KAZN: variants seen among roughly 807,000 people sequenced by gnomAD.
KAZN encodes the protein kazrin, periplakin interacting protein.
A neutral mutation model predicts 87.4 loss-of-function variants in KAZN; 40 were observed. That is an observed-to-expected ratio of 0.46 (90% CI 0.36 to 0.60). The LOEUF (loss-of-function observed/expected upper bound fraction) is 0.60, where lower values mean the gene tolerates loss of function less well. KAZN is among the 20% of genes least tolerant of loss of function. KAZN has a pLI of 0.00. For synonymous variants in KAZN, 466 were observed against 458.3 expected (o/e 1.02, Z -0.22); for missense variants, 898 against 1,073.9 (o/e 0.84, Z 2.29).
intron 2 of KAZN, among the ~76,000 whole-genome samples, chr1:14,517,068 G>C (rs560474724): frequency 6.6e-6 from 1 of 152,142 alleles, no homozygotes; most frequent in East Asian, 1.9e-4. Flanking sequence ...CCAACCCCTT[G>C]GATGCAAAGA....
Position 14,477,447 on chromosome 1 carries a change from C to CCT in KAZN, c.250-121521_250-121520dup, listed in dbSNP as rs944833569. Among the ~76,000 whole-genome samples the CCT allele has an allele frequency of 3.4e-4, 51 of 148,130 alleles. 1 individual carries two copies. The highest frequency in any genetic ancestry group is 6.4e-4 in the Non-Finnish European group (43 of 67,324). On this transcript the variant is annotated intron_variant, in intron 2 of 16. Transcript: ENST00000636203. ...TTCCCTCTCTCTCTCTCTCTCTCCC[C>CCT]CTCTCTCTCTCTCTCTTTCTCTCTC...
At chr1:14,963,226 A>G (rs1323761880) in intron 2 of KAZN, among the ~76,000 whole-genome samples, 1 of 152,188 alleles carries the variant, frequency 6.6e-6, no homozygotes, top group Non-Finnish European at 1.5e-5. Context: ...AGCAACAAGG[A>G]CTTGTCAGTA....
At chr1:14,176,566 A>T (rs893751716) in intron 1 of KAZN, among the ~76,000 whole-genome samples, 10 of 152,124 alleles carry the variant, frequency 6.6e-5, no homozygotes, top group African/African-American at 1.2e-4. Context: ...ATCAGGCCAT[A>T]TTCTTTCTAG....
At chr1:15,018,471 A>G (rs919701916) in intron 2 of KAZN, among the ~76,000 whole-genome samples, 1 of 148,462 alleles carries the variant, frequency 6.7e-6, no homozygotes, top group African/African-American at 2.5e-5. Context: ...GTTCTCTGTG[A>G]TTTTTTTTTT....
At chr1:14,079,899 C>G (rs879193561) in intron 1 of KAZN, among the ~76,000 whole-genome samples, 1 of 150,842 alleles carries the variant, frequency 6.6e-6, no homozygotes, top group Admixed American at 6.6e-5. Flanking sequence ...CAGGCCCCAC[C>G]TCCGACACTG....
intron 2 of KAZN, among the ~76,000 whole-genome samples, chr1:14,467,674 C>CAAAAAAAA (rs36034022): frequency 5.2e-5 from 4 of 77,336 alleles, no homozygotes; most frequent in Admixed American, 1.5e-4. Flanking sequence ...ATCCAAAAGG[C>CAAAAAAAA]AAAAAAAAAA....
intron 8 of KAZN, among the ~76,000 whole-genome samples, chr1:15,072,914 G>A (rs556451054): frequency 2.6e-5 from 4 of 152,314 alleles, no homozygotes; most frequent in African/African-American, 7.2e-5. Context: ...GAGGCCGGGC[G>A]CTGAGTAGGC....
chr1:14,160,349 C>T (rs1645683579), intron 1 of KAZN, among the ~76,000 whole-genome samples: 3 of 152,160 alleles, frequency 2.0e-5, no homozygotes, highest in African/African-American at 7.2e-5. Flanking sequence ...TATAAAAGGG[C>T]AGCACTGAGT....
intron 2 of KAZN, among the ~76,000 whole-genome samples, chr1:14,338,504 AAGAG>A (rs70997135): frequency 6.2e-4 from 88 of 142,244 alleles, no homozygotes; most frequent in African/African-American, 1.5e-3. Flanking sequence ...AAAAAAAAAA[AAGAG>A]AGAGAGAGAG....
At chr1:14,948,925 G>A (rs1018377973) in intron 1 of KAZN, among the ~76,000 whole-genome samples, 1 of 152,162 alleles carries the variant, frequency 6.6e-6, no homozygotes, top group Non-Finnish European at 1.5e-5. Flanking sequence ...GGGAGGCTGA[G>A]GCGAGCAGAT....
intron 1 of KAZN, among the ~76,000 whole-genome samples, chr1:14,920,635 A>C (rs531103825): frequency 6.6e-6 from 1 of 152,310 alleles, no homozygotes; most frequent in African/African-American, 2.4e-5. Context: ...AACTGGCTAC[A>C]TAATTGGTAG....
chr1:14,035,757 G>A (rs1277818122), intron 1 of KAZN, among the ~76,000 whole-genome samples: 1 of 151,876 alleles, frequency 6.6e-6, no homozygotes, highest in Non-Finnish European at 1.5e-5. Flanking sequence ...TTACAGGTGT[G>A]AGCCACCATA....
chr1:14,644,784 T>G (rs57613490), intron 1 of KAZN, among the ~76,000 whole-genome samples: 65 of 152,358 alleles, frequency 4.3e-4, no homozygotes, highest in African/African-American at 1.4e-3. Context: ...ATAGTTTCTT[T>G]TGCTGTGCAG....
At chr1:14,141,072 T>C (rs1645224617) in intron 1 of KAZN, among the ~76,000 whole-genome samples, 1 of 151,896 alleles carries the variant, frequency 6.6e-6, no homozygotes, top group Non-Finnish European at 1.5e-5. Context: ...CCAAAAGCTT[T>C]CCTCCCTGGA....
chr1:14,762,711 C>T (rs1304166301), intron 1 of KAZN, among the ~76,000 whole-genome samples: 1 of 149,912 alleles, frequency 6.7e-6, no homozygotes, highest in African/African-American at 2.5e-5. Flanking sequence ...GGTGACAGAG[C>T]AAGACTCTGT....
At chr1:14,179,443 G>A (rs1646150069) in intron 1 of KAZN, among the ~76,000 whole-genome samples, 1 of 152,230 alleles carries the variant, frequency 6.6e-6, no homozygotes, top group South Asian at 2.1e-4. Flanking sequence ...CTAACATAGT[G>A]TTCAGTTTTA....
exon 1 of KAZN, chr1:13,893,602 T>C: frequency 6.5e-7 from 1 of 1,531,184 alleles, no homozygotes; most frequent in Non-Finnish European, 8.8e-7. Context: ...CGGCATCCTT[T>C]GCTCTGACAC....
intron 2 of KAZN, among the ~76,000 whole-genome samples, chr1:14,403,561 A>G (rs938219809): frequency 1.3e-5 from 2 of 152,218 alleles, no homozygotes; most frequent in African/African-American, 4.8e-5. Flanking sequence ...TTCAACATCA[A>G]TAAGAAAAGG....
At chr1:13,981,128 T>TATGTATATA (rs375605048) in intron 1 of KAZN, among the ~76,000 whole-genome samples, 16 of 134,364 alleles carry the variant, frequency 1.2e-4, no homozygotes, top group Non-Finnish European at 1.8e-4. Flanking sequence ...TAAACACAGA[T>TATGTATATA]TATATATAGT....
Sources: allele counts gnomAD v4.1 joint callset (sites outside exome capture counted in the v4.1 genomes callset), GRCh38; gene constraint gnomAD v4.1.1; transcripts MANE v1.5; gene names NCBI Gene and HGNC (gene_info 2026-07-23, HGNC 2026-07-21).